The following DNAJC1 variants were observed in gnomAD, a reference collection of about 807,000 sequenced individuals.
DNAJC1 encodes the protein dnaJ homolog subfamily C member 1.
Under a neutral mutation model 76.6 loss-of-function variants are expected in DNAJC1, and 58 were observed. The observed-to-expected ratio is 0.76, with a 90% CI of 0.61 to 0.94. The LOEUF (loss-of-function observed/expected upper bound fraction) is 0.94, where lower values mean the gene tolerates loss of function less well. Among genes scored for constraint, DNAJC1 ranks in the 40% least tolerant of loss-of-function variants. DNAJC1 has a pLI of 0.00. For synonymous variants in DNAJC1, 258 were observed against 267.9 expected (o/e 0.96, Z 0.36); for missense variants, 689 against 677.3 (o/e 1.02, Z -0.19).
chr10:21,833,455 T>G (rs1835395064), intron 8 of DNAJC1, among the ~76,000 whole-genome samples: 1 of 152,056 alleles, frequency 6.6e-6, no homozygotes, highest in Non-Finnish European at 1.5e-5. Flanking sequence ...GAGGCAACAG[T>G]GTGAGACTCT....
intron 8 of DNAJC1, among the ~76,000 whole-genome samples, chr10:21,831,447 T>G (rs1003155938): frequency 2.6e-5 from 4 of 152,246 alleles, no homozygotes; most frequent in Admixed American, 2.6e-4. Flanking sequence ...TTACTTTTCA[T>G]TCTTTTAATC....
At chr10:21,927,911 A>G (rs775047307) in intron 3 of DNAJC1, among the ~76,000 whole-genome samples, 12 of 152,160 alleles carry the variant, frequency 7.9e-5, no homozygotes, top group Non-Finnish European at 1.5e-4. Flanking sequence ...GTGAGGGGCT[A>G]CCTCCACTCT....
chr10:21,825,717 T>C (rs889093938), intron 8 of DNAJC1, among the ~76,000 whole-genome samples: 2 of 152,220 alleles, frequency 1.3e-5, no homozygotes, highest in African/African-American at 4.8e-5. Context: ...GTTATAGCAA[T>C]TCTAGTGGGT....
intron 1 of DNAJC1, 21 bp from the exon 2 acceptor site, chr10:21,929,162 G>A (rs779261980): frequency 1.3e-6 from 2 of 1,541,004 alleles, no homozygotes; most frequent in South Asian, 2.3e-5. Context: ...TAGGGGGAGG[G>A]GAAAATACAA....
At chr10:21,923,252 G>A (rs998119555) in intron 3 of DNAJC1, among the ~76,000 whole-genome samples, 1 of 151,810 alleles carries the variant, frequency 6.6e-6, no homozygotes, top group Non-Finnish European at 1.5e-5. Context: ...TAGCTCACAC[G>A]ACTGGCCATT....
intron 8 of DNAJC1, among the ~76,000 whole-genome samples, chr10:21,872,148 A>G (rs1039868709): frequency 6.8e-6 from 1 of 146,798 alleles, no homozygotes; most frequent in African/African-American, 2.6e-5. Flanking sequence ...ACCTTGGCTC[A>G]CCGTAACCTC....
chr10:21,939,632 G>A (rs559253888), intron 1 of DNAJC1, among the ~76,000 whole-genome samples: 2 of 152,230 alleles, frequency 1.3e-5, no homozygotes, highest in East Asian at 1.9e-4. Context: ...AGGATCAATA[G>A]TCTATACCAT....
At chr10:21,995,209 A>G in intron 1 of DNAJC1, among the ~76,000 whole-genome samples, 1 of 152,124 alleles carries the variant, frequency 6.6e-6, no homozygotes. Flanking sequence ...AAAGTCCTTA[A>G]GTATTGACTA....
At chr10:21,941,328 T>C (rs1348914524) in intron 1 of DNAJC1, among the ~76,000 whole-genome samples, 3 of 150,032 alleles carry the variant, frequency 2.0e-5, no homozygotes, top group Admixed American at 1.3e-4. Flanking sequence ...ATGGAACTTG[T>C]ATGGCCCCTG....
intron 8 of DNAJC1, among the ~76,000 whole-genome samples, chr10:21,875,370 G>A (rs561622994): frequency 1.7e-4 from 26 of 152,252 alleles, no homozygotes; most frequent in South Asian, 4.1e-4. Context: ...TTCCCTGGCT[G>A]GTCTTGAAGT....
chr10:21,898,023 T>C (rs1282015589), intron 7 of DNAJC1, among the ~76,000 whole-genome samples: 1 of 152,200 alleles, frequency 6.6e-6, no homozygotes, highest in African/African-American at 2.4e-5. Flanking sequence ...TTCAGCAAGT[T>C]AGCAAAACAA....
At chr10:21,941,054 A>G (rs1441915589) in intron 1 of DNAJC1, among the ~76,000 whole-genome samples, 2 of 148,052 alleles carry the variant, frequency 1.4e-5, no homozygotes, top group Non-Finnish European at 3.0e-5. Context: ...GATCGAGACC[A>G]TCCTGGCTAA....
chr10:21,908,206 A>T (rs1836787916), intron 6 of DNAJC1, among the ~76,000 whole-genome samples: 1 of 94,626 alleles, frequency 1.1e-5, no homozygotes, highest in East Asian at 2.8e-4. Flanking sequence ...TATATATATA[A>T]AATATATATT....
chr10:21,785,578 GA>G (rs1834594711), intron 9 of DNAJC1: 1 of 152,216 alleles, frequency 6.6e-6, no homozygotes, highest in African/African-American at 2.4e-5. Context: ...GATGGCTCTA[GA>G]ATTCCTTTGA....
In DNAJC1 at chr10:21,758,496, A is replaced by G. The variant is rs946027342; in HGVS notation, c.1596+674T>C. ...CTCCCATCTGAGGACCATCTCAGAA[A>G]TATCTGAGCAGGCACCAAGAGCTAC... On this transcript the variant is annotated intron_variant, in intron 11 of 11. Coordinates refer to ENST00000376980, the MANE Select transcript of DNAJC1 (RefSeq NM_022365.4). Among the ~76,000 whole-genome samples, 39 of 152,214 alleles carry G rather than the reference A, an allele frequency of 2.6e-4. 1 individual carries two copies. Among genetic ancestry groups the G allele is most frequent in the African/African-American group, 8.4e-4 (35 of 41,466 alleles).
intron 9 of DNAJC1, among the ~76,000 whole-genome samples, chr10:21,789,691 T>C (rs894817949): frequency 3.9e-5 from 6 of 152,106 alleles, no homozygotes; most frequent in African/African-American, 1.2e-4. Context: ...ATAGAAATCC[T>C]GCAGCTGAAC....
chr10:21,789,441 T>C (rs574055192), intron 9 of DNAJC1, among the ~76,000 whole-genome samples: 1 of 152,060 alleles, frequency 6.6e-6, no homozygotes, highest in East Asian at 1.9e-4. Flanking sequence ...CAGACATCAA[T>C]ACAGGGACAC....
chr10:21,968,070 T>C (rs889796249), intron 1 of DNAJC1, among the ~76,000 whole-genome samples: 1 of 152,246 alleles, frequency 6.6e-6, no homozygotes, highest in Non-Finnish European at 1.5e-5. Flanking sequence ...AATAGTTTTA[T>C]ATTACATCAA....
At chr10:21,786,451 TATATATATATATAGAGAGAGAGAGAGAG>T (rs1300877389) in intron 9 of DNAJC1, among the ~76,000 whole-genome samples, 2 of 95,738 alleles carry the variant, frequency 2.1e-5, no homozygotes, top group African/African-American at 4.2e-5. Context: ...TATATATATA[TATATATATATATAGAGAGAGAGAGAGAG>T]AGAGAGAGAG....
Sources: allele counts gnomAD v4.1 joint callset (sites outside exome capture counted in the v4.1 genomes callset), GRCh38; gene constraint gnomAD v4.1.1; transcripts MANE v1.5; gene names NCBI Gene and HGNC (gene_info 2026-07-23, HGNC 2026-07-21).